MDM1: variants seen among roughly 807,000 people sequenced by gnomAD.
The protein encoded by MDM1 is Mdm1 nuclear protein.
In MDM1, 61 loss-of-function variants were observed where a neutral mutation model predicts 89.1. That is an observed-to-expected ratio of 0.68 (90% confidence interval 0.56 to 0.85). MDM1 has a LOEUF of 0.85. MDM1 is among the 40% of genes least tolerant of loss of function. MDM1 has a pLI of 0.00. For missense variants in MDM1, 820 were observed against 846.5 expected, an observed-to-expected ratio of 0.97 and a Z score of 0.39; for synonymous variants, 290 against 294.1, an observed-to-expected ratio of 0.99 and a Z score of 0.14.
chr12:68,309,972 G>T (rs1407188428), intron 12 of MDM1, among the ~76,000 whole-genome samples: 2 of 152,154 alleles, frequency 1.3e-5, no homozygotes, highest in Admixed American at 1.3e-4. Flanking sequence ...ATGTACATAT[G>T]TATGTATTTA....
intron 12 of MDM1, among the ~76,000 whole-genome samples, chr12:68,305,788 C>T (rs1872784419): frequency 6.6e-6 from 1 of 151,930 alleles, no homozygotes; most frequent in Non-Finnish European, 1.5e-5. Context: ...GCCCATGGAT[C>T]GGAAGAATCG....
At chr12:68,316,903 T>A (rs1361840744) in intron 7 of MDM1, among the ~76,000 whole-genome samples, 1 of 152,204 alleles carries the variant, frequency 6.6e-6, no homozygotes, top group African/African-American at 2.4e-5. Flanking sequence ...CAAAAATCCC[T>A]AACCCAGCTT....
intron 12 of MDM1, among the ~76,000 whole-genome samples, chr12:68,307,931 C>A (rs1455103766): frequency 4.9e-5 from 7 of 142,710 alleles, no homozygotes; most frequent in African/African-American, 1.8e-4. Flanking sequence ...GAGCAAGACC[C>A]TGTCTCAAAA....
chr12:68,316,630 A>G lies in MDM1; in HGVS notation c.1006-20T>C, dbSNP rs1407335023. 10 of 1,528,578 alleles carry G rather than the reference A, an allele frequency of 6.5e-6. No homozygotes were observed. In the Admixed American group the frequency reaches 1.8e-4, roughly 27 times the overall value. The allele number at this position is 1,528,578 out of a possible 1,614,324, so 94.7% of individuals were successfully genotyped here. A position where few individuals can be genotyped will look rare whatever the true frequency, so the allele number is the denominator to read the frequency against. On this transcript the variant is annotated intron_variant, in intron 7 of 14. Coordinates refer to ENST00000682720, the MANE Select transcript of MDM1 (RefSeq NM_001354969.2). ...AGAACCCTAGAGAAGGAATACAGAA[A>G]CACACTTAATGATAGGTTAATGCCA...
chr12:68,329,076 C>T (rs533949179), intron 2 of MDM1, among the ~76,000 whole-genome samples: 1 of 152,296 alleles, frequency 6.6e-6, no homozygotes, highest in South Asian at 2.1e-4. Flanking sequence ...GTCATAATAG[C>T]CCTGTAGGCG....
chr12:68,305,228 A>G (rs577538928), intron 12 of MDM1, among the ~76,000 whole-genome samples: 15 of 152,322 alleles, frequency 9.8e-5, no homozygotes, highest in African/African-American at 3.1e-4. Context: ...CCTTCATGAT[A>G]AAAATCCTCA....
In MDM1 at chr12:68,326,828, T is replaced by A; in HGVS notation, c.327A>T (p.Ser109=). Residue 109 remains serine (S), a synonymous_variant, in exon 3 of 15, where the codon TCA becomes TCT. Transcript: ENST00000682720. ...QKDVTQERVH[S]LEASRVPKRT... Reference sequence around the variant, plus strand: ...TTTTGGGAACCCTGGAAGCTTCTAGTGAGTGAACTCTTTCTTGAGTAACAT... The same window carrying A: ...TTTTGGGAACCCTGGAAGCTTCTAGAGAGTGAACTCTTTCTTGAGTAACAT... The A allele has an allele frequency of 1.2e-6, 2 of 1,613,964 alleles. No individual in the cohort carries two copies. Among genetic ancestry groups the A allele is most frequent in the Non-Finnish European group, 1.7e-6 (2 of 1,179,880 alleles).
intron 7 of MDM1, among the ~76,000 whole-genome samples, chr12:68,319,784 A>G (rs1874976647): frequency 6.6e-6 from 1 of 152,222 alleles, no homozygotes; most frequent in African/African-American, 2.4e-5. Context: ...TAATAAGCAA[A>G]AAAAGCTGCA....
At chr12:68,300,565 G>A (rs920709127) in intron 13 of MDM1, among the ~76,000 whole-genome samples, 12 of 152,020 alleles carry the variant, frequency 7.9e-5, no homozygotes, top group African/African-American at 2.7e-4. Flanking sequence ...AAAGACAAAG[G>A]TCATCATATA....
At chr12:68,311,142 C>T (rs1000072076) in intron 12 of MDM1, among the ~76,000 whole-genome samples, 4 of 152,152 alleles carry the variant, frequency 2.6e-5, no homozygotes, top group African/African-American at 9.7e-5. Context: ...CTCACTTTGT[C>T]TTATTCTCAT....
intron 7 of MDM1, among the ~76,000 whole-genome samples, chr12:68,320,403 A>C (rs1592981304): frequency 9.8e-6 from 1 of 101,690 alleles, no homozygotes. Context: ...AAAGAAAGCA[A>C]AAGAGTGGCC....
rs1592931748 is a variant in MDM1 at position 68,295,320 on chromosome 12, A to T, written c.2109T>A (p.Ser703Arg). Residue 703 changes from serine to arginine, a missense_variant, in exon 15 of 15, where the codon AGT becomes AGA. Transcript: ENST00000682720. ...GTGCCAGAGTTTGAAAAGCCCGGAG[A>T]CTAGAAGCTGCAGAGCGAGCAGAAA... ...SEISARSAAS[S>R]LRAFQTLARA... The T allele has an allele frequency of 6.2e-7, 1 of 1,613,456 alleles. No individual in the cohort carries two copies. Among genetic ancestry groups the T allele is most frequent in the Non-Finnish European group, 8.5e-7 (1 of 1,179,632 alleles).
intron 7 of MDM1, among the ~76,000 whole-genome samples, chr12:68,319,211 A>T (rs1306340120): frequency 2.6e-5 from 4 of 152,238 alleles, no homozygotes; most frequent in Non-Finnish European, 4.4e-5. Flanking sequence ...AAAAAGCAAT[A>T]GTCAAGTGGT....
At chr12:68,300,869 C>T (rs989459374) in intron 13 of MDM1, among the ~76,000 whole-genome samples, 19 of 152,178 alleles carry the variant, frequency 1.2e-4, no homozygotes, top group African/African-American at 4.3e-4. Flanking sequence ...ACATTCTTCT[C>T]ATCATTTCAC....
chr12:68,331,183 CTT>C lies in MDM1; in HGVS notation c.55_56del (p.Lys19ValfsTer8). The C allele has an allele frequency of 6.2e-7, 1 of 1,611,116 alleles. No individual in the cohort carries two copies. Among genetic ancestry groups the C allele is most frequent in the African/African-American group, 1.3e-5 (1 of 74,954 alleles). On this transcript the variant is annotated frameshift_variant, in exon 2 of 15. Coordinates refer to ENST00000682720, the MANE Select transcript of MDM1 (RefSeq NM_001354969.2). LOFTEE classifies it high-confidence loss of function. ...AATTACAAGACTCGGACAAATAAGA[CTT>C]TTTCCACAGGAAGTTCCTCTGGTAT... The part of the protein sequence containing the change: ...SEYQRNFLWK[K>X]SYLSESCNSS...
chr12:68,316,214 G>T lies in MDM1; in HGVS notation c.1075C>A (p.Arg359=). ...LREKAEFYRK[R]VQGTHFSRDH... is the part of the protein sequence containing the mutation. ...CGAGAAAAATGCGTCCCCTGAACTCGCTTCCTATAAAACTCAGCCTTTTCT... is the reference window on the plus strand; with the variant it reads ...CGAGAAAAATGCGTCCCCTGAACTCTCTTCCTATAAAACTCAGCCTTTTCT... Residue 359 remains arginine (R), a synonymous_variant, in exon 9 of 15, where the codon CGA becomes AGA. Transcript: ENST00000682720. The T allele has an allele frequency of 5.6e-6, 9 of 1,613,622 alleles. No homozygotes were observed. Among genetic ancestry groups the T allele is most frequent in the South Asian group, 1.1e-5 (1 of 91,026 alleles).
At chr12:68,331,291 AAAAT>A (rs1876780982) in intron 1 of MDM1, 70 bp from the exon 2 acceptor site, 4 of 920,786 alleles carry the variant, frequency 4.3e-6, no homozygotes, top group Non-Finnish European at 7.2e-6. Context: ...ACATCGGTGA[AAAAT>A]AATTTCTGAA....
chr12:68,299,434 T>C (rs1465617768), intron 13 of MDM1, among the ~76,000 whole-genome samples: 4 of 151,812 alleles, frequency 2.6e-5, no homozygotes, highest in African/African-American at 9.7e-5. Context: ...GAGAGATAGA[T>C]ATCATAAAGA....
intron 12 of MDM1, 55 bp downstream of exon 12, chr12:68,313,388 G>C (rs1232701035): frequency 5.9e-6 from 7 of 1,185,450 alleles, no homozygotes; most frequent in Non-Finnish European, 8.7e-6. Flanking sequence ...TTTATTACAT[G>C]TGTCTACAAT....
Sources: allele counts gnomAD v4.1 joint callset (sites outside exome capture counted in the v4.1 genomes callset), GRCh38; gene constraint gnomAD v4.1.1; transcripts MANE v1.5; gene names NCBI Gene and HGNC (gene_info 2026-07-23, HGNC 2026-07-21).